The following KDM5B variants were observed in gnomAD, a reference collection of about 807,000 sequenced individuals.
KDM5B encodes lysine-specific demethylase 5B.
Under a neutral mutation model 193.4 loss-of-function variants are expected in KDM5B, and 144 were observed. The observed-to-expected ratio is 0.74, with a 90% CI of 0.65 to 0.86. The LOEUF is 0.86. Among genes scored for constraint, KDM5B ranks in the 40% least tolerant of loss-of-function variants. The pLI, the probability that KDM5B is intolerant of heterozygous loss-of-function variation, is 0.00. For missense variants in KDM5B, 1,833 were observed against 1,886.9 expected (o/e 0.97, Z 0.53); for synonymous variants, 668 against 682.6 (o/e 0.98, Z 0.33).
rs552146952 is a variant in KDM5B, at chr1:202,761,498, T to C, written c.919-925A>G. Among the ~76,000 whole-genome samples the C allele has an allele frequency of 2.6e-5, 4 of 152,270 alleles. No homozygotes were observed. The East Asian group carries it at 7.7e-4, about 29-fold the overall frequency. On this transcript the variant is annotated intron_variant, in intron 7 of 26. Coordinates refer to ENST00000367265, the MANE Select transcript of KDM5B (RefSeq NM_006618.5). ...GTTCAGAAGTTCCCCTAATGCCCAG[T>C]GATAAAGCATAGTTATTACTTTTTA...
chr1:202,808,370 G>T lies in KDM5B; in HGVS notation c.-65C>A. 7.0e-7 allele frequency: 1 copy of T among 1,427,798 alleles called. No individual in the cohort carries two copies. The highest frequency in any genetic ancestry group is 9.3e-7 in the Non-Finnish European group (1 of 1,072,594). 88.4% of individuals were successfully genotyped at this position (1,427,798 alleles called of 1,614,324 possible). On this transcript the variant is annotated 5_prime_UTR_variant, in exon 1 of 27. Transcript: ENST00000367265. ...GGGACCGAGGCTGCGAGCTCCGCTC[G>T]GTCCGAGACCCGTGCAGACGCGGCT... is the stretch of plus-strand genomic sequence containing the variant.
intron 14 of KDM5B, among the ~76,000 whole-genome samples, chr1:202,748,136 C>A (rs1376644417): frequency 6.6e-6 from 1 of 151,946 alleles, no homozygotes; most frequent in African/African-American, 2.4e-5. Flanking sequence ...AACAAAGGTG[C>A]CAAAGCAATT....
At chr1:202,778,447 A>G (rs1657053612) in intron 1 of KDM5B, among the ~76,000 whole-genome samples, 1 of 152,174 alleles carries the variant, frequency 6.6e-6, no homozygotes, top group Admixed American at 6.5e-5. Context: ...GGAGGTAGAC[A>G]ATGGTAATGG....
At chr1:202,758,172 G>T (rs1360928117) in intron 9 of KDM5B, among the ~76,000 whole-genome samples, 1 of 152,172 alleles carries the variant, frequency 6.6e-6, no homozygotes, top group African/African-American at 2.4e-5. Context: ...TATAATCTGT[G>T]TGGAAGAGGT....
At chr1:202,762,919 C>A (rs944444608) in intron 6 of KDM5B, 111 bp from the exon 7 acceptor site, 3 of 683,964 alleles carry the variant, frequency 4.4e-6, no homozygotes. Context: ...TGTGTTTTCA[C>A]ATTTTAGTAG....
chr1:202,774,558 A>C, intron 3 of KDM5B, 55 bp downstream of exon 3: 1 of 1,534,374 alleles, frequency 6.5e-7, no homozygotes, highest in Non-Finnish European at 8.9e-7. Flanking sequence ...AAGAAGATCA[A>C]ATTCATTCTG....
chr1:202,766,483 G>A, intron 5 of KDM5B: 2 of 428,758 alleles, frequency 4.7e-6, no homozygotes, highest in Non-Finnish European at 9.2e-6. Flanking sequence ...TCCAGCCTGG[G>A]CAACACAGCG....
chr1:202,732,810 A>G (rs1242730862), intron 23 of KDM5B, among the ~76,000 whole-genome samples: 1 of 152,162 alleles, frequency 6.6e-6, no homozygotes, highest in African/African-American at 2.4e-5. Context: ...TTGTCTTCAC[A>G]TTCTTTTACT....
intron 1 of KDM5B, among the ~76,000 whole-genome samples, chr1:202,789,339 G>T (rs1657540786): frequency 6.6e-6 from 1 of 151,842 alleles, no homozygotes; most frequent in South Asian, 2.1e-4. Context: ...TGACCAACAT[G>T]GTGAAACCCC....
At chr1:202,775,766 G>C (rs1348771517) in intron 2 of KDM5B, among the ~76,000 whole-genome samples, 5 of 135,622 alleles carry the variant, frequency 3.7e-5, no homozygotes, top group African/African-American at 1.4e-4. Flanking sequence ...CGAGGCAGGA[G>C]AATCACTTGA....
chr1:202,807,691 A>C (rs920148515), intron 1 of KDM5B, among the ~76,000 whole-genome samples: 1 of 122,672 alleles, frequency 8.2e-6, no homozygotes, highest in Non-Finnish European at 1.6e-5. Context: ...CCGGGAGCGG[A>C]GGCGAGGACC....
Position 202,749,078 on chromosome 1 carries a change from G to T in KDM5B, c.1883C>A (p.Ser628Tyr). 6.2e-7 allele frequency: 1 copy of T among 1,614,046 alleles called. No homozygotes were observed. Among genetic ancestry groups the T allele is most frequent in the Non-Finnish European group, 8.5e-7 (1 of 1,179,974 alleles). Reference sequence around the variant, plus strand: ...CATCTTGCAGATCATCTCATCGTGGGAAAACACACAATATCGATGAAGCAA... The same window carrying T: ...CATCTTGCAGATCATCTCATCGTGGTAAAACACACAATATCGATGAAGCAA... ...YRLLHRYCVF[S>Y]HDEMICKMAS... The change falls in exon 14 of 27, where the codon TCC (serine) becomes TAC (tyrosine). Residue 628 changes from serine to tyrosine, a missense_variant. Ser to Tyr is a moderately radical substitution (Grantham distance 144, BLOSUM62 -2). Around this residue, in one of 3 missense-constraint regions of KDM5B, gnomAD observed 1,379 missense variants for 1,349.6 expected, o/e 1.02. Transcript: ENST00000367265.
intron 4 of KDM5B, among the ~76,000 whole-genome samples, chr1:202,769,277 C>A (rs1656608909): frequency 6.6e-6 from 1 of 150,488 alleles, no homozygotes; most frequent in Admixed American, 6.6e-5. Flanking sequence ...ACCTCGTGAT[C>A]CACCTGCCTC....
At chr1:202,731,984 A>C in intron 23 of KDM5B, 45 bp from the exon 24 acceptor site, 1 of 1,304,370 alleles carries the variant, frequency 7.7e-7, no homozygotes, top group Non-Finnish European at 1.1e-6. Flanking sequence ...TTCAGGATTA[A>C]AAATACTCCC....
At chr1:202,741,795 T>C in intron 18 of KDM5B, 73 bp from the exon 19 acceptor site, 1 of 825,456 alleles carries the variant, frequency 1.2e-6, no homozygotes, top group Non-Finnish European at 1.9e-6. Flanking sequence ...ACTTAGAATC[T>C]TAAATTCATA....
At position 202,766,962 on chromosome 1, in the gene KDM5B, G is replaced by A. The variant is rs1054285823; in HGVS notation, c.675C>T (p.Cys225=). 13 of 1,583,852 alleles carry A rather than the reference G, an allele frequency of 8.2e-6. No homozygotes were observed. The highest frequency in any genetic ancestry group is 1.4e-5 in the African/African-American group (1 of 72,564). Residue 225 remains cysteine, a synonymous_variant, in exon 5 of 27, where the codon TGC becomes TGT. Coordinates refer to ENST00000367265, the MANE Select transcript of KDM5B (RefSeq NM_006618.5). ...TGCGTTTTGCTCGTCGGGCTGGGGG[G>A]CACGTTTCCGAAGGCTGCACAGACT... ...QRQSVQPSET[C]PPARRAKRMR...
At chr1:202,784,933 T>C (rs891175486) in intron 1 of KDM5B, among the ~76,000 whole-genome samples, 7 of 151,144 alleles carry the variant, frequency 4.6e-5, no homozygotes, top group African/African-American at 1.5e-4. Flanking sequence ...ACTCAGGAGG[T>C]TGAGGCATGA....
At chr1:202,750,896 GC>G in intron 12 of KDM5B, 118 bp from the exon 13 acceptor site, 1 of 1,049,116 alleles carries the variant, frequency 9.5e-7, no homozygotes, top group Non-Finnish European at 1.4e-6. Context: ...CTGAAATTGA[GC>G]CAGAAAAAAC....
rs778878622 is a variant in KDM5B at position 202,762,703 on chromosome 1, T to C, written c.914A>G (p.Asn305Ser). 1 of 1,550,520 alleles carries C rather than the reference T, an allele frequency of 6.4e-7. No individual in the cohort carries two copies. Among genetic ancestry groups the C allele is most frequent in the Admixed American group, 1.7e-5 (1 of 59,918 alleles). The change falls in exon 7 of 27, where the codon AAT becomes AGT. Residue 305 changes from asparagine to serine, a missense_variant. Physicochemically the swap from Asn to Ser is conservative, Grantham distance 46. Transcript: ENST00000367265. ...AGAAAGGGAGATGTCACTCACAGCA[T>C]TGGTGGCTTTTTTAGATCGACTCTT... Reference protein sequence around the residue: ...KPKSRSKKATNAVDLYVCLLC... With the variant: ...KPKSRSKKATSAVDLYVCLLC...
Sources: allele counts gnomAD v4.1 joint callset (sites outside exome capture counted in the v4.1 genomes callset), GRCh38; gene constraint gnomAD v4.1.1; regional missense constraint gnomAD v4.1.1; transcripts MANE v1.5; gene names NCBI Gene and HGNC (gene_info 2026-07-23, HGNC 2026-07-21).